The following SEPTIN7 variants were observed in gnomAD, a reference collection of about 807,000 sequenced individuals.
SEPTIN7 encodes septin-7.
Under a neutral mutation model 63.3 loss-of-function variants are expected in SEPTIN7, and 10 were observed. The ratio of observed to expected loss-of-function variants is 0.16; its 90% CI spans 0.10 to 0.27. The LOEUF is 0.27. Ranked by LOEUF, SEPTIN7 falls within the 10% of genes least tolerant of loss-of-function variation. SEPTIN7 has a pLI of 1.00. For synonymous variants in SEPTIN7, 131 were observed against 165.3 expected, an observed-to-expected ratio of 0.79 and a Z score of 1.59; for missense variants, 310 against 521.0, an observed-to-expected ratio of 0.59 and a Z score of 3.94.
At chr7:35,822,651 C>T (rs912032909) in intron 1 of SEPTIN7, among the ~76,000 whole-genome samples, 2 of 152,146 alleles carry the variant, frequency 1.3e-5, no homozygotes, top group Non-Finnish European at 2.9e-5. Flanking sequence ...CCTAACAGGC[C>T]ACAGACCGCT....
chr7:35,905,825 T>G lies in SEPTIN7; in HGVS notation c.*1532T>G, dbSNP rs184194633. Reference sequence around the variant, plus strand: ...TGGAAACTGAAATTTTTTTTAACTGTAAAGAGGGTAGTGTCATTTCTTTTC... The same window carrying G: ...TGGAAACTGAAATTTTTTTTAACTGGAAAGAGGGTAGTGTCATTTCTTTTC... On this transcript the variant is annotated 3_prime_UTR_variant, in exon 14 of 14. Transcript: ENST00000350320. The G allele has an allele frequency of 2.1e-4, 32 of 152,366 alleles. No homozygotes were observed. The East Asian group carries it at 5.4e-3, about 26-fold the overall frequency. The allele number at this position is 152,366 out of a possible 1,614,324, so 9.4% of individuals were successfully genotyped here.
At chr7:35,802,270 T>C (rs867480385) in intron 1 of SEPTIN7, 1 of 371,602 alleles carries the variant, frequency 2.7e-6, no homozygotes, top group Non-Finnish European at 5.5e-6. Context: ...CAGCTGTGTG[T>C]ATAGTAAGAA....
At chr7:35,913,696 T>C in the SEPTIN7 span, among the ~76,000 whole-genome samples, 6 of 152,094 alleles carry the variant, frequency 3.9e-5, no homozygotes, top group Non-Finnish European at 5.9e-5. Flanking sequence ...GCTCAAGCGA[T>C]CCTCCAACCT....
At chr7:35,867,293 TATG>T (rs1247747574) in intron 4 of SEPTIN7, among the ~76,000 whole-genome samples, 2 of 152,194 alleles carry the variant, frequency 1.3e-5, no homozygotes, top group African/African-American at 4.8e-5. Context: ...TACAATGTTG[TATG>T]TATGTTAACA....
intron 1 of SEPTIN7, among the ~76,000 whole-genome samples, chr7:35,814,125 A>G (rs563126059): frequency 1.3e-5 from 2 of 148,892 alleles, no homozygotes; most frequent in East Asian, 1.9e-4. Flanking sequence ...TAGTGGCTCA[A>G]CATTTTATTT....
intron 1 of SEPTIN7, among the ~76,000 whole-genome samples, chr7:35,822,494 C>G (rs1222079982): frequency 6.6e-6 from 1 of 152,136 alleles, no homozygotes; most frequent in Non-Finnish European, 1.5e-5. Context: ...ATGAACAGTT[C>G]ACAATAGGGT....
chr7:35,844,641 C>A (rs1157807913), intron 3 of SEPTIN7, among the ~76,000 whole-genome samples: 1 of 152,088 alleles, frequency 6.6e-6, no homozygotes, highest in African/African-American at 2.4e-5. Flanking sequence ...ACTCTGTTGC[C>A]CAGGCTAGAG....
chr7:35,832,763 T>C, intron 2 of SEPTIN7, 35 bp from the exon 3 acceptor site: 1 of 1,116,040 alleles, frequency 9.0e-7, no homozygotes, highest in Non-Finnish European at 1.4e-6. Context: ...GTACTGTTGA[T>C]ACATGAATAA....
chr7:35,802,050 C>T (rs1161408403), intron 1 of SEPTIN7, among the ~76,000 whole-genome samples: 2 of 152,096 alleles, frequency 1.3e-5, no homozygotes, highest in Non-Finnish European at 2.9e-5. Flanking sequence ...GAAGGGCGCC[C>T]CCCGGAGGAG....
At chr7:35,876,445 A>G (rs1166741627) in intron 6 of SEPTIN7, among the ~76,000 whole-genome samples, 2 of 152,228 alleles carry the variant, frequency 1.3e-5, no homozygotes, top group Non-Finnish European at 2.9e-5. Flanking sequence ...AACCATAACA[A>G]TTTAGAAATC....
rs1423857388 is a variant in SEPTIN7, at chr7:35,842,768, A to G, written c.169+9868A>G. Among the ~76,000 whole-genome samples the G allele has an allele frequency of 2.0e-5, 3 of 152,206 alleles. No homozygotes were observed. The East Asian group carries it at 5.8e-4, about 29-fold the overall frequency. On this transcript the variant is annotated intron_variant, in intron 3 of 13. Coordinates refer to ENST00000350320, the MANE Select transcript of SEPTIN7 (RefSeq NM_001788.6). Reference sequence around the variant, plus strand: ...TAAACAAAAGTTACAAGTACAGTACATAACTTTTTTCCTAGGATATTTGAG... The same window carrying G: ...TAAACAAAAGTTACAAGTACAGTACGTAACTTTTTTCCTAGGATATTTGAG...
rs563600644 is a variant in SEPTIN7, at chr7:35,902,917, G to A, written c.1135-159G>A. On this transcript the variant is annotated intron_variant, in intron 12 of 13. Transcript: ENST00000350320. ...TTGGGTGGCAGGTCCTAAAGGAGGA[G>A]GAGTCCTTGACCAGAGTACTTCCAG... is the stretch of plus-strand genomic sequence containing the variant. 1.4e-5 allele frequency: 16 copies of A among 1,112,142 alleles called. No individual in the cohort carries two copies. The South Asian group carries it at 4.1e-4, about 29-fold the overall frequency. The allele number at this position is 1,112,142 out of a possible 1,614,324, so 68.9% of individuals were successfully genotyped here. A position where few individuals can be genotyped will look rare whatever the true frequency, so the allele number is the denominator to read the frequency against.
chr7:35,876,856 C>T (rs1786503314), intron 6 of SEPTIN7, among the ~76,000 whole-genome samples: 1 of 152,102 alleles, frequency 6.6e-6, no homozygotes, highest in Non-Finnish European at 1.5e-5. Flanking sequence ...GTAATCCCAG[C>T]TACTCAGGAG....
chr7:35,824,931 C>T (rs541996856), intron 1 of SEPTIN7, among the ~76,000 whole-genome samples: 1 of 152,098 alleles, frequency 6.6e-6, no homozygotes, highest in Non-Finnish European at 1.5e-5. Context: ...TTTACACTTA[C>T]AGCACATCTT....
At chr7:35,814,569 T>C (rs1788930607) in intron 1 of SEPTIN7, among the ~76,000 whole-genome samples, 1 of 152,236 alleles carries the variant, frequency 6.6e-6, no homozygotes, top group African/African-American at 2.4e-5. Context: ...CCACTAACTT[T>C]AGTATCTTGT....
At chr7:35,907,470 A>G (rs1324399296), downstream of SEPTIN7, among the ~76,000 whole-genome samples, 1 of 152,148 alleles carries the variant, frequency 6.6e-6, no homozygotes, top group African/African-American at 2.4e-5. Flanking sequence ...TATCTAATAA[A>G]TGAATAAGTT....
intron 3 of SEPTIN7, among the ~76,000 whole-genome samples, chr7:35,836,095 A>G (rs1433395176): frequency 1.3e-5 from 2 of 152,178 alleles, no homozygotes; most frequent in Non-Finnish European, 2.9e-5. Context: ...GGAGACCCTG[A>G]TTGACAATTT....
chr7:35,806,543 A>G (rs1185706020), intron 1 of SEPTIN7, among the ~76,000 whole-genome samples: 4 of 152,202 alleles, frequency 2.6e-5, no homozygotes, highest in Non-Finnish European at 4.4e-5. Context: ...TCATTATTGT[A>G]TGCTTTCATA....
intron 4 of SEPTIN7, among the ~76,000 whole-genome samples, chr7:35,868,032 G>A (rs1385312981): frequency 2.6e-5 from 4 of 151,506 alleles, no homozygotes. Flanking sequence ...ACTACACCTG[G>A]CTAATTTTTG....
Sources: gnomAD v4.1 joint callset for allele counts (sites outside exome capture counted in the v4.1 genomes callset) on GRCh38, gnomAD v4.1.1 for gene constraint, MANE v1.5 for transcripts, NCBI Gene and HGNC (gene_info 2026-07-23, HGNC 2026-07-21) for gene names.